Variants in EFNA5 observed in about 807,000 individuals in gnomAD.
EFNA5 encodes ephrin A5.
Under a neutral mutation model 22.9 loss-of-function variants are expected in EFNA5, and 5 were observed. That is an observed-to-expected ratio of 0.22 (90% confidence interval 0.11 to 0.46). The LOEUF is 0.46. Among genes scored for constraint, EFNA5 ranks in the 20% least tolerant of loss-of-function variants. The pLI is 0.99. For synonymous variants in EFNA5, 113 were observed against 112.2 expected (o/e 1.01, Z -0.04); for missense variants, 237 against 293.3 (o/e 0.81, Z 1.40).
chr5:107,552,341 T>G (rs1748317314), intron 1 of EFNA5, among the ~76,000 whole-genome samples: 1 of 152,216 alleles, frequency 6.6e-6, no homozygotes, highest in Non-Finnish European at 1.5e-5. Context: ...GAGGGCTGAT[T>G]ATATGCTTGG....
At chr5:107,478,250 C>G (rs1331902566) in intron 1 of EFNA5, among the ~76,000 whole-genome samples, 2 of 152,098 alleles carry the variant, frequency 1.3e-5, no homozygotes, top group Non-Finnish European at 2.9e-5. Context: ...AGGAGGCAGG[C>G]AAGAGATCCA....
At chr5:107,553,562 AGACCTT>A (rs931705636) in intron 1 of EFNA5, among the ~76,000 whole-genome samples, 4 of 152,186 alleles carry the variant, frequency 2.6e-5, no homozygotes, top group Admixed American at 2.0e-4. Context: ...CATTCGGAGG[AGACCTT>A]GACCTTGAAC....
intron 2 of EFNA5, among the ~76,000 whole-genome samples, chr5:107,401,372 T>C (rs939672078): frequency 2.0e-5 from 3 of 152,210 alleles, no homozygotes; most frequent in Admixed American, 6.5e-5. Context: ...TCAATTGAAA[T>C]TGGCTTTGAA....
At chr5:107,414,211 A>T (rs1003076678) in intron 2 of EFNA5, among the ~76,000 whole-genome samples, 1 of 152,158 alleles carries the variant, frequency 6.6e-6, no homozygotes, top group Non-Finnish European at 1.5e-5. Context: ...CTTTTTACCT[A>T]TCATCTCCAG....
intron 1 of EFNA5, among the ~76,000 whole-genome samples, chr5:107,544,342 G>A (rs1580522298): frequency 6.6e-6 from 1 of 152,170 alleles, no homozygotes; most frequent in East Asian, 1.9e-4. Flanking sequence ...AGTGCACAGA[G>A]CATCACAAAG....
Position 107,670,846 on chromosome 5 carries a change from C to T in EFNA5, c.-233G>A. On this transcript the variant is annotated 5_prime_UTR_variant, in exon 1 of 5. Coordinates refer to ENST00000333274, the MANE Select transcript of EFNA5 (RefSeq NM_001962.3). ...GGGGGTGATAAAGACAAACTCGCAC[C>T]CCCACTGGAGGGTTCAGGAGGAAAA... The T allele has an allele frequency of 1.8e-6, 1 of 556,320 alleles. No individual in the cohort carries two copies. The highest frequency in any genetic ancestry group is 2.2e-5 in the South Asian group (1 of 45,562). The allele number at this position is 556,320 out of a possible 1,614,324, so 34.5% of individuals were successfully genotyped here. A position where few individuals can be genotyped will look rare whatever the true frequency, so the allele number is the denominator to read the frequency against.
chr5:107,427,975 G>A (rs1748849963), intron 1 of EFNA5, among the ~76,000 whole-genome samples: 1 of 152,110 alleles, frequency 6.6e-6, no homozygotes, highest in Non-Finnish European at 1.5e-5. Flanking sequence ...TTTTGTTATA[G>A]TTGAGGCCAT....
chr5:107,388,573 T>C (rs1747699730), intron 2 of EFNA5: 1 of 152,150 alleles, frequency 6.6e-6, no homozygotes, highest in African/African-American at 2.4e-5. Context: ...CTGTAAACTT[T>C]CCCTATGGTT....
chr5:107,669,666 A>G (rs928634759), intron 1 of EFNA5, among the ~76,000 whole-genome samples: 2 of 152,200 alleles, frequency 1.3e-5, no homozygotes, highest in African/African-American at 2.4e-5. Flanking sequence ...GACGCCTACA[A>G]ATCGGTTCCA....
chr5:107,385,335 A>G (rs1206512688), intron 4 of EFNA5, among the ~76,000 whole-genome samples: 1 of 152,168 alleles, frequency 6.6e-6, no homozygotes, highest in African/African-American at 2.4e-5. Context: ...AAAATATGCA[A>G]TCTGTTAGGT....
chr5:107,452,789 T>C (rs766467863), intron 1 of EFNA5, among the ~76,000 whole-genome samples: 7 of 152,156 alleles, frequency 4.6e-5, no homozygotes, highest in Non-Finnish European at 8.8e-5. Flanking sequence ...TTTTAAACCT[T>C]TAAAGAGTCA....
Position 107,387,265 on chromosome 5 carries a change from C to G in EFNA5, c.535G>C (p.Asp179His). 2 of 1,604,724 alleles carry G rather than the reference C, an allele frequency of 1.2e-6. No homozygotes were observed. Among genetic ancestry groups the G allele is most frequent in the Non-Finnish European group, 1.7e-6 (2 of 1,173,958 alleles). ...GGTTCTAATGAATTTTCTACTTTGT[C>G]GTTAACATCGAAAACACGATCATGA... ...GVHDRVFDVN[D>H]KVENSLEPAD... Residue 179 changes from aspartate to histidine, a missense_variant, in exon 4 of 5, where the codon GAC (aspartate) becomes CAC (histidine). Physicochemically the swap from Asp to His is moderately conservative, Grantham distance 81. Transcript: ENST00000333274.
At chr5:107,515,362 TTTATTATTATTATTA>T (rs70996961) in intron 1 of EFNA5, among the ~76,000 whole-genome samples, 8 of 141,320 alleles carry the variant, frequency 5.7e-5, no homozygotes, top group Non-Finnish European at 7.6e-5. Context: ...TATTTTTTAT[TTTATTATTATTATTA>T]TTATTATTAT....
At chr5:107,435,859 T>C (rs1405369406) in intron 1 of EFNA5, among the ~76,000 whole-genome samples, 1 of 152,234 alleles carries the variant, frequency 6.6e-6, no homozygotes. Flanking sequence ...CATGTTTTGA[T>C]AATTAAAAAT....
At chr5:107,537,580 C>T (rs1747955101) in intron 1 of EFNA5, among the ~76,000 whole-genome samples, 1 of 152,166 alleles carries the variant, frequency 6.6e-6, no homozygotes, top group South Asian at 2.1e-4. Flanking sequence ...GCCTGGGCCA[C>T]AAGAGCGAAA....
At chr5:107,490,937 A>T (rs1746787629) in intron 1 of EFNA5, among the ~76,000 whole-genome samples, 1 of 152,242 alleles carries the variant, frequency 6.6e-6, no homozygotes, top group Non-Finnish European at 1.5e-5. Flanking sequence ...ATGAGGTTTC[A>T]TTAACTCTTT....
intron 2 of EFNA5, among the ~76,000 whole-genome samples, chr5:107,394,842 T>A (rs887018205): frequency 6.6e-6 from 1 of 152,132 alleles, no homozygotes; most frequent in Non-Finnish European, 1.5e-5. Flanking sequence ...TTTGTATATA[T>A]TTATCTGAAG....
At chr5:107,488,217 T>G (rs1746695503) in intron 1 of EFNA5, among the ~76,000 whole-genome samples, 1 of 152,232 alleles carries the variant, frequency 6.6e-6, no homozygotes, top group African/African-American at 2.4e-5. Flanking sequence ...TATACAAATG[T>G]TATCTTATCC....
intron 2 of EFNA5, among the ~76,000 whole-genome samples, chr5:107,411,278 T>C (rs958638985): frequency 6.6e-6 from 1 of 152,228 alleles, no homozygotes; most frequent in Admixed American, 6.5e-5. Flanking sequence ...GGCCAGTGGT[T>C]GTTTCTGCCT....
Sources: gnomAD v4.1 joint callset for allele counts (sites outside exome capture counted in the v4.1 genomes callset) on GRCh38, gnomAD v4.1.1 for gene constraint, MANE v1.5 for transcripts, NCBI Gene and HGNC (gene_info 2026-07-23, HGNC 2026-07-21) for gene names.